LINGO2: variants seen among roughly 807,000 people sequenced by gnomAD.
The protein encoded by LINGO2 is leucine-rich repeat and immunoglobulin-like domain-containing nogo receptor-interacting protein 2.
Under a neutral mutation model 30.6 loss-of-function variants are expected in LINGO2, and 14 were observed. The ratio of observed to expected loss-of-function variants is 0.46; its 90% confidence interval spans 0.30 to 0.72. LINGO2 has a LOEUF of 0.72. Among genes scored for constraint, LINGO2 ranks in the 30% least tolerant of loss-of-function variants. LINGO2 has a pLI of 0.07. For synonymous variants in LINGO2, 317 were observed against 288.5 expected (o/e 1.10, Z -1.00); for missense variants, 729 against 751.7 (o/e 0.97, Z 0.35).
the LINGO2 span, among the ~76,000 whole-genome samples, chr9:28,870,411 T>G: frequency 6.6e-6 from 1 of 152,212 alleles, no homozygotes; most frequent in South Asian, 2.1e-4. Context: ...TAGAAAATTC[T>G]TGTTCAATCT....
intron 4 of LINGO2, among the ~76,000 whole-genome samples, chr9:28,132,504 G>T (rs1007055173): frequency 6.6e-6 from 1 of 152,120 alleles, no homozygotes; most frequent in Non-Finnish European, 1.5e-5. Context: ...ACCATTGCAG[G>T]TACTTCAGTT....
the LINGO2 span, among the ~76,000 whole-genome samples, chr9:28,850,043 C>T: frequency 6.6e-6 from 1 of 151,946 alleles, no homozygotes; most frequent in Non-Finnish European, 1.5e-5. Flanking sequence ...GCTTATAATA[C>T]CCACTTTAGT....
the LINGO2 span, among the ~76,000 whole-genome samples, chr9:29,148,807 G>T: frequency 6.6e-6 from 1 of 152,158 alleles, no homozygotes; most frequent in African/African-American, 2.4e-5. Flanking sequence ...ACAAATGTGG[G>T]TGATAATTAC....
intron 4 of LINGO2, among the ~76,000 whole-genome samples, chr9:28,164,425 T>C (rs1381096422): frequency 1.3e-5 from 2 of 152,196 alleles, no homozygotes; most frequent in African/African-American, 4.8e-5. Context: ...TGTAAAGATG[T>C]TATGAGATCT....
the LINGO2 span, among the ~76,000 whole-genome samples, chr9:29,053,671 GT>G: frequency 4.6e-5 from 7 of 152,254 alleles, 1 homozygote; most frequent in African/African-American, 1.4e-4. Flanking sequence ...CAGATGAACA[GT>G]TTTATTGTGG....
At chr9:28,545,608 A>G (rs1821895268) in intron 1 of LINGO2, among the ~76,000 whole-genome samples, 1 of 152,030 alleles carries the variant, frequency 6.6e-6, no homozygotes, top group Non-Finnish European at 1.5e-5. Context: ...GTTATTCCAT[A>G]TATATAGGGA....
the LINGO2 span, among the ~76,000 whole-genome samples, chr9:29,097,959 G>C: frequency 5.6e-5 from 5 of 89,454 alleles, 1 homozygote; most frequent in African/African-American, 1.3e-4. Flanking sequence ...GTGTGTTCAT[G>C]ACAATGTGCC....
chr9:28,093,460 TAAAG>T (rs773387116), intron 4 of LINGO2, among the ~76,000 whole-genome samples: 1 of 152,112 alleles, frequency 6.6e-6, no homozygotes, highest in Non-Finnish European at 1.5e-5. Context: ...CTGCGAAACT[TAAAG>T]GAAGTCATTC....
At chr9:28,737,271 A>G in the LINGO2 span, among the ~76,000 whole-genome samples, 5 of 152,214 alleles carry the variant, frequency 3.3e-5, no homozygotes, top group African/African-American at 1.2e-4. Context: ...TTGGTGCCAG[A>G]TATGTGATAC....
chr9:29,156,019 T>C, the LINGO2 span, among the ~76,000 whole-genome samples: 2 of 152,132 alleles, frequency 1.3e-5, no homozygotes, highest in African/African-American at 4.8e-5. Context: ...CCAGGAGAAG[T>C]GATAGCAACA....
chr9:28,794,934 G>A, the LINGO2 span, among the ~76,000 whole-genome samples: 2 of 151,746 alleles, frequency 1.3e-5, no homozygotes, highest in Admixed American at 6.6e-5. Context: ...AGGTTCAAGC[G>A]ATTCTCCTGC....
At chr9:28,552,733 G>C (rs890862511) in intron 1 of LINGO2, among the ~76,000 whole-genome samples, 8 of 149,038 alleles carry the variant, frequency 5.4e-5, no homozygotes, top group African/African-American at 2.0e-4. Flanking sequence ...TTCTCTGTGG[G>C]TTCCCTAATT....
rs1564158556 is a variant in LINGO2, at chr9:28,374,224, ATATATATG to A, written c.-278-1364_-278-1357del. 4.8e-5 allele frequency among the ~76,000 whole-genome samples: 7 copies of A among 146,450 alleles called. No homozygotes were observed. The South Asian group carries it at 1.5e-3, about 31-fold the overall frequency. ...TATGTTTTTATTTATATATATATATATATATATGTAATATCCAATTGTGCATAGAAACA... is the reference window on the plus strand; with the variant it reads ...TATGTTTTTATTTATATATATATATATAATATCCAATTGTGCATAGAAACA... On this transcript the variant is annotated intron_variant, in intron 2 of 5. Coordinates refer to ENST00000379992, the Ensembl canonical transcript of LINGO2.
In LINGO2 at chr9:28,096,846, G is replaced by C. The variant is rs188257979; in HGVS notation, c.-86-84441C>G. Among the ~76,000 whole-genome samples, 872 of 152,220 alleles carry C rather than the reference G, an allele frequency of 5.7e-3. 5 individuals carry two copies. The highest frequency in any genetic ancestry group is 0.017 in the Middle Eastern group (5 of 294). On this transcript the variant is annotated intron_variant, in intron 4 of 5. Transcript: ENST00000379992. ...GACTCCGACACACAGATTGCTTCAA[G>C]AAATAGCCCTGAAGTGAGGCGAATT...
At chr9:28,015,250 C>G (rs892411371) in intron 4 of LINGO2, among the ~76,000 whole-genome samples, 1 of 152,156 alleles carries the variant, frequency 6.6e-6, no homozygotes, top group Admixed American at 6.6e-5. Flanking sequence ...TTCTCCTATT[C>G]TCCCAAGGTT....
At chr9:28,886,060 T>C in the LINGO2 span, among the ~76,000 whole-genome samples, 3 of 152,304 alleles carry the variant, frequency 2.0e-5, no homozygotes, top group East Asian at 1.9e-4. Flanking sequence ...AAATTTTATT[T>C]TAAGTATTGA....
intron 2 of LINGO2, among the ~76,000 whole-genome samples, chr9:28,412,999 A>G (rs1013394882): frequency 2.0e-5 from 3 of 152,120 alleles, no homozygotes; most frequent in Non-Finnish European, 4.4e-5. Flanking sequence ...CTACTTAATG[A>G]ATAGTAAATA....
chr9:28,877,735 G>T, the LINGO2 span, among the ~76,000 whole-genome samples: 1 of 152,124 alleles, frequency 6.6e-6, no homozygotes, highest in East Asian at 1.9e-4. Context: ...GGCAATGCAG[G>T]CTCTTTTTTG....
chr9:28,552,643 G>GT (rs1435661867), intron 1 of LINGO2, among the ~76,000 whole-genome samples: 81 of 148,516 alleles, frequency 5.5e-4, no homozygotes, highest in African/African-American at 1.9e-3. Context: ...AACTTTTTAT[G>GT]ATTTTTTTTT....
Sources: gnomAD v4.1 joint callset for allele counts (sites outside exome capture counted in the v4.1 genomes callset) on GRCh38, gnomAD v4.1.1 for gene constraint, MANE v1.5 for transcripts, NCBI Gene and HGNC (gene_info 2026-07-23, HGNC 2026-07-21) for gene names.